The following SLC6A11 variants were observed in gnomAD, a reference collection of about 807,000 sequenced individuals.
SLC6A11 encodes solute carrier family 6 member 11.
SLC6A11 carries 25 observed loss-of-function variants against 74.8 expected under a neutral mutation model. The ratio of observed to expected loss-of-function variants is 0.33; its 90% CI spans 0.24 to 0.47. The LOEUF is 0.47. Among genes scored for constraint, SLC6A11 ranks in the 20% least tolerant of loss-of-function variants. The pLI, the probability that SLC6A11 is intolerant of heterozygous loss-of-function variation, is 1.00. For missense variants in SLC6A11, 574 were observed against 837.0 expected, an observed-to-expected ratio of 0.69 and a Z score of 3.88; for synonymous variants, 330 against 330.2, an observed-to-expected ratio of 1.00 and a Z score of 0.01.
chr3:10,881,528 T>C (rs372956267), intron 6 of SLC6A11, among the ~76,000 whole-genome samples: 1 of 152,342 alleles, frequency 6.6e-6, no homozygotes, highest in South Asian at 2.1e-4. Context: ...GGAGGGCTGT[T>C]AGCTTGTGTA....
intron 4 of SLC6A11, chr3:10,824,020 T>A (rs4684738): frequency 0.4 from 60,870 of 152,380 alleles, 13,609 homozygotes; most frequent in African/African-American, 0.59. Context: ...ACTTGTGTGG[T>A]TGGGCATTTT....
rs144476291 is a variant in SLC6A11, at chr3:10,850,290, C to T, written c.756+5944C>T. On this transcript the variant is annotated intron_variant, in intron 5 of 13. Coordinates refer to ENST00000254488, the MANE Select transcript of SLC6A11 (RefSeq NM_014229.3). Reference sequence around the variant, plus strand: ...AAAATTTCACTCCAGCCTTCCAGTCCCAAATGGGATATTTCCCATGTCCAC... The same window carrying T: ...AAAATTTCACTCCAGCCTTCCAGTCTCAAATGGGATATTTCCCATGTCCAC... 7.2e-3 allele frequency among the ~76,000 whole-genome samples: 1,100 copies of T among 152,254 alleles called. 10 individuals carry two copies. The highest frequency in any genetic ancestry group is 0.025 in the African/African-American group (1,032 of 41,538).
chr3:10,893,410 C>T (rs1302849040), intron 6 of SLC6A11, among the ~76,000 whole-genome samples: 1 of 152,122 alleles, frequency 6.6e-6, no homozygotes, highest in Non-Finnish European at 1.5e-5. Flanking sequence ...CTGTGAATCA[C>T]AGATGGATAA....
At chr3:10,917,543 C>T (rs1695474410) in intron 7 of SLC6A11, among the ~76,000 whole-genome samples, 2 of 152,190 alleles carry the variant, frequency 1.3e-5, no homozygotes, top group Admixed American at 6.5e-5. Context: ...AACTTCCTGA[C>T]TTGGTGATTT....
intron 5 of SLC6A11, among the ~76,000 whole-genome samples, chr3:10,865,385 C>A (rs902597629): frequency 2.0e-5 from 3 of 151,986 alleles, no homozygotes; most frequent in Non-Finnish European, 4.4e-5. Flanking sequence ...CTGTGGTGGC[C>A]AGGCACAGTG....
intron 6 of SLC6A11, among the ~76,000 whole-genome samples, chr3:10,895,866 C>A (rs550550522): frequency 6.6e-6 from 1 of 152,156 alleles, no homozygotes; most frequent in Admixed American, 6.5e-5. Context: ...GTGCAGCAAA[C>A]CGCCACGGCA....
intron 4 of SLC6A11, among the ~76,000 whole-genome samples, chr3:10,836,324 AT>A (rs1324857112): frequency 1.3e-5 from 2 of 152,228 alleles, no homozygotes; most frequent in Admixed American, 6.5e-5. Flanking sequence ...TGCTATGAAC[AT>A]TTGTGCACAC....
intron 6 of SLC6A11, among the ~76,000 whole-genome samples, chr3:10,911,590 T>C (rs114220094): frequency 3.9e-5 from 6 of 152,310 alleles, no homozygotes; most frequent in African/African-American, 1.2e-4. Flanking sequence ...CAGAATCTTA[T>C]GACACTTTTC....
intron 8 of SLC6A11, among the ~76,000 whole-genome samples, chr3:10,925,012 GA>G (rs998561354): frequency 1.2e-4 from 19 of 152,110 alleles, no homozygotes; most frequent in African/African-American, 3.4e-4. Flanking sequence ...GTCCGAGGAC[GA>G]AAAAAAATTG....
intron 13 of SLC6A11, among the ~76,000 whole-genome samples, chr3:10,937,601 C>T (rs1221373917): frequency 6.6e-6 from 1 of 152,230 alleles, no homozygotes; most frequent in African/African-American, 2.4e-5. Flanking sequence ...GGGATAGGGG[C>T]CTGAGGCAGG....
At chr3:10,860,723 T>C (rs1694693435) in intron 5 of SLC6A11, among the ~76,000 whole-genome samples, 1 of 152,008 alleles carries the variant, frequency 6.6e-6, no homozygotes. Flanking sequence ...TGTCAAAAGG[T>C]TTATCCTTGA....
chr3:10,856,882 C>G (rs1694644541), intron 5 of SLC6A11, among the ~76,000 whole-genome samples: 1 of 152,150 alleles, frequency 6.6e-6, no homozygotes, highest in African/African-American at 2.4e-5. Flanking sequence ...GTTTCCTCAG[C>G]TTTACCTGGG....
At chr3:10,830,967 G>C (rs1339592728) in intron 4 of SLC6A11, among the ~76,000 whole-genome samples, 1 of 152,190 alleles carries the variant, frequency 6.6e-6, no homozygotes, top group African/African-American at 2.4e-5. Flanking sequence ...GAAGCTGGGT[G>C]GTGGTGCCCT....
intron 8 of SLC6A11, among the ~76,000 whole-genome samples, chr3:10,919,488 T>C (rs1695507106): frequency 6.6e-6 from 1 of 152,136 alleles, no homozygotes; most frequent in African/African-American, 2.4e-5. Flanking sequence ...CAAGCCCCAG[T>C]CCAGGGTGTG....
intron 4 of SLC6A11, among the ~76,000 whole-genome samples, chr3:10,829,969 G>GGGCA (rs1436338602): frequency 6.6e-6 from 1 of 152,068 alleles, no homozygotes; most frequent in Non-Finnish European, 1.5e-5. Context: ...ACTGGGTGCT[G>GGGCA]GGCATCTTAT....
Position 10,823,298 on chromosome 3 carries a change from G to A in SLC6A11, c.533-4G>A. ...TTCTATTTCTTGTCTTGTTTCCACT[G>A]TAGAGAATTGTGTGGAGTTCCAGAA... On this transcript the variant is annotated splice_polypyrimidine_tract_variant and splice_region_variant and intron_variant, in intron 3 of 13. Transcript: ENST00000254488. 6 of 1,600,718 alleles carry A rather than the reference G, an allele frequency of 3.7e-6. No individual in the cohort carries two copies. The highest frequency in any genetic ancestry group is 5.1e-6 in the Non-Finnish European group (6 of 1,167,818).
At chr3:10,847,429 T>C (rs1694517848) in intron 5 of SLC6A11, among the ~76,000 whole-genome samples, 1 of 152,238 alleles carries the variant, frequency 6.6e-6, no homozygotes, top group African/African-American at 2.4e-5. Flanking sequence ...AGTATTTTCC[T>C]GAAGACTGGG....
intron 13 of SLC6A11, among the ~76,000 whole-genome samples, chr3:10,937,645 C>T (rs1457537671): frequency 6.6e-6 from 1 of 152,198 alleles, no homozygotes; most frequent in East Asian, 1.9e-4. Context: ...GGCTGTGGGG[C>T]AGAAGTCTGC....
At chr3:10,905,714 A>G (rs1695294305) in intron 6 of SLC6A11, among the ~76,000 whole-genome samples, 1 of 152,206 alleles carries the variant, frequency 6.6e-6, no homozygotes. Context: ...AACATATATC[A>G]GTTATGCTTT....
Sources: gnomAD v4.1 joint callset for allele counts (sites outside exome capture counted in the v4.1 genomes callset) on GRCh38, gnomAD v4.1.1 for gene constraint, MANE v1.5 for transcripts, NCBI Gene and HGNC (gene_info 2026-07-23, HGNC 2026-07-21) for gene names.